Variants in TMTC1 observed in about 807,000 individuals in gnomAD.
The protein encoded by TMTC1 is protein O-mannosyl-transferase TMTC1.
Under a neutral mutation model 104.8 loss-of-function variants are expected in TMTC1, and 73 were observed. The ratio of observed to expected loss-of-function variants is 0.70; its 90% CI spans 0.58 to 0.85. The LOEUF (loss-of-function observed/expected upper bound fraction) is 0.85, where lower values mean the gene tolerates loss of function less well. Among genes scored for constraint, TMTC1 ranks in the 40% least tolerant of loss-of-function variants. The probability of loss-of-function intolerance (pLI) is 0.00; values close to 1 mark genes in which losing one functional copy is unlikely to be tolerated. For synonymous variants in TMTC1, 434 were observed against 428.7 expected, an observed-to-expected ratio of 1.01 and a Z score of -0.15; for missense variants, 1,035 against 1,096.1, an observed-to-expected ratio of 0.94 and a Z score of 0.79.
intron 6 of TMTC1, among the ~76,000 whole-genome samples, chr12:29,617,674 A>C (rs1947024376): frequency 6.6e-6 from 1 of 152,192 alleles, no homozygotes; most frequent in South Asian, 2.1e-4. Context: ...TAAGGTGGAC[A>C]AGAAATGGAG....
chr12:29,648,557 G>A (rs1054146802), intron 5 of TMTC1, among the ~76,000 whole-genome samples: 4 of 152,108 alleles, frequency 2.6e-5, no homozygotes, highest in African/African-American at 9.7e-5. Flanking sequence ...GAGGCAGACA[G>A]AGGCTGCAGA....
At chr12:29,511,267 CCTT>C (rs1301004414) in intron 17 of TMTC1, among the ~76,000 whole-genome samples, 1 of 148,642 alleles carries the variant, frequency 6.7e-6, no homozygotes, top group African/African-American at 2.6e-5. Context: ...TCCTCCTCCT[CCTT>C]GTATTAATAT....
chr12:29,642,828 G>C (rs1289716838), intron 5 of TMTC1, among the ~76,000 whole-genome samples: 1 of 151,926 alleles, frequency 6.6e-6, no homozygotes, highest in Non-Finnish European at 1.5e-5. Context: ...AGGAGGCTGA[G>C]GCAGGAGAAT....
At chr12:29,541,724 T>C (rs1376415770) in intron 10 of TMTC1, among the ~76,000 whole-genome samples, 1 of 141,560 alleles carries the variant, frequency 7.1e-6, no homozygotes, top group Non-Finnish European at 1.5e-5. Context: ...AGTGGAGCAA[T>C]CTCAGCTCAC....
intron 5 of TMTC1, among the ~76,000 whole-genome samples, chr12:29,713,284 T>G (rs1941982165): frequency 1.4e-5 from 2 of 145,504 alleles, no homozygotes; most frequent in South Asian, 2.2e-4. Context: ...AAAATAAATC[T>G]CTCTACATAA....
chr12:29,604,261 G>C lies in TMTC1; in HGVS notation c.1167C>G (p.Phe389Leu). ...TGGCTGGAATGAACGGGAACACCAG[G>C]AACAACAAGCCGACTAAAACCTCCT... is the stretch of plus-strand genomic sequence containing the variant. ...EHKEVLVGLL[F>L]LVFPFIPASN... is the part of the protein sequence containing the mutation. Residue 389 changes from phenylalanine to leucine, a missense_variant, in exon 7 of 18, where the codon TTC (phenylalanine) becomes TTG (leucine). By Grantham distance (22) the Phe-to-Leu change is conservative. Coordinates refer to ENST00000539277, the MANE Select transcript of TMTC1 (RefSeq NM_001193451.2). The C allele has an allele frequency of 1.2e-6, 2 of 1,613,904 alleles. No homozygotes were observed. The highest frequency in any genetic ancestry group is 1.7e-6 in the Non-Finnish European group (2 of 1,179,894).
At chr12:29,735,159 G>A (rs989032458) in intron 5 of TMTC1, among the ~76,000 whole-genome samples, 5 of 152,318 alleles carry the variant, frequency 3.3e-5, no homozygotes, top group Non-Finnish European at 5.9e-5. Context: ...AAGACACAGA[G>A]TCCTCTGCAT....
At chr12:29,617,620 A>G (rs1405020609) in intron 6 of TMTC1, among the ~76,000 whole-genome samples, 2 of 152,082 alleles carry the variant, frequency 1.3e-5, no homozygotes, top group Non-Finnish European at 2.9e-5. Flanking sequence ...ACCACGAGAA[A>G]GTGAGTCAGT....
intron 17 of TMTC1, among the ~76,000 whole-genome samples, chr12:29,510,134 G>A (rs1479791825): frequency 6.6e-6 from 1 of 152,172 alleles, no homozygotes; most frequent in Non-Finnish European, 1.5e-5. Flanking sequence ...CATAAACCTA[G>A]ATGAAATAGT....
intron 7 of TMTC1, 137 bp downstream of exon 7, chr12:29,604,040 GT>G: frequency 8.4e-7 from 1 of 1,196,384 alleles, no homozygotes; most frequent in South Asian, 1.6e-5. Context: ...CTGTGTGGCT[GT>G]TTTTAAAGCT....
intron 10 of TMTC1, among the ~76,000 whole-genome samples, chr12:29,542,130 CCA>C (rs1421409601): frequency 1.3e-5 from 2 of 152,102 alleles, no homozygotes; most frequent in Non-Finnish European, 2.9e-5. Flanking sequence ...TATTGAAAGG[CCA>C]GAGTTAACTA....
intron 5 of TMTC1, among the ~76,000 whole-genome samples, chr12:29,712,198 T>G (rs1280345207): frequency 6.6e-6 from 1 of 152,098 alleles, no homozygotes; most frequent in Admixed American, 6.5e-5. Context: ...TATCTTACAT[T>G]ATGTTGAACA....
intron 5 of TMTC1, among the ~76,000 whole-genome samples, chr12:29,648,926 C>T (rs1167379943): frequency 1.3e-5 from 2 of 152,130 alleles, no homozygotes; most frequent in East Asian, 3.9e-4. Context: ...GCCATTGGAA[C>T]TAGCATTTGA....
chr12:29,626,199 C>G (rs918533301), intron 6 of TMTC1, among the ~76,000 whole-genome samples: 1 of 152,098 alleles, frequency 6.6e-6, no homozygotes, highest in African/African-American at 2.4e-5. Context: ...GTGAACAAGA[C>G]AGCAAAAAAT....
At chr12:29,619,249 C>A (rs1289090341) in intron 6 of TMTC1, among the ~76,000 whole-genome samples, 2 of 152,088 alleles carry the variant, frequency 1.3e-5, no homozygotes, top group Non-Finnish European at 2.9e-5. Context: ...AATGTAATTG[C>A]CTGTGAAGGC....
intron 7 of TMTC1, among the ~76,000 whole-genome samples, chr12:29,585,022 TC>T (rs1555172508): frequency 6.7e-6 from 1 of 149,550 alleles, no homozygotes; most frequent in Non-Finnish European, 1.5e-5. Context: ...CACGCTGACT[TC>T]CACAATGGTT....
intron 8 of TMTC1, among the ~76,000 whole-genome samples, chr12:29,574,459 T>C (rs1170746258): frequency 6.6e-6 from 1 of 152,206 alleles, no homozygotes; most frequent in Admixed American, 6.5e-5. Context: ...GTCACTGTAC[T>C]GGTCATCTCA....
At position 29,503,175 on chromosome 12, in the gene TMTC1, G is replaced by T. The variant is rs1187021241; in HGVS notation, c.*3671C>A. 6.6e-6 allele frequency: 1 copy of T among 152,166 alleles called. No individual in the cohort carries two copies. The allele number at this position is 152,166 out of a possible 1,614,324, so 9.4% of individuals were successfully genotyped here. On this transcript the variant is annotated 3_prime_UTR_variant, in exon 18 of 18. Coordinates refer to ENST00000539277, the MANE Select transcript of TMTC1 (RefSeq NM_001193451.2). ...CAAATTTCAGAATCTTATGCTAAGG[G>T]TTGTGAAGTACTGCAGGAGGTTGGA...
Position 29,604,178 on chromosome 12 carries a change from C to T in TMTC1, c.1250G>A (p.Ser417Asn). Residue 417 changes from serine (S) to asparagine (N), a missense_variant and splice_region_variant, in exon 7 of 18, where the codon AGC becomes AAC. Ser to Asn is a conservative substitution (Grantham distance 46). Coordinates refer to ENST00000539277, the MANE Select transcript of TMTC1 (RefSeq NM_001193451.2). ...GGAGGAAGTCACGTGCAATAGTTAC[C>T]TAGGCATGTAAAGGACTCTCTCCGC... ...VVAERVLYMP[S>N]MGYCILFVHG... The T allele has an allele frequency of 6.2e-7, 1 of 1,613,570 alleles. No homozygotes were observed. Among genetic ancestry groups the T allele is most frequent in the Non-Finnish European group, 8.5e-7 (1 of 1,179,670 alleles).
Sources: allele counts gnomAD v4.1 joint callset (sites outside exome capture counted in the v4.1 genomes callset), GRCh38; gene constraint gnomAD v4.1.1; transcripts MANE v1.5; gene names NCBI Gene and HGNC (gene_info 2026-07-23, HGNC 2026-07-21).